The following PACRG variants were observed in gnomAD, a reference collection of about 807,000 sequenced individuals.
PACRG encodes parkin coregulated, also known as parkin coregulated gene protein.
In PACRG, 29 loss-of-function variants were observed where a neutral mutation model predicts 29.7. The ratio of observed to expected loss-of-function variants is 0.98; its 90% confidence interval spans 0.73 to 1.33. The LOEUF (loss-of-function observed/expected upper bound fraction) is 1.33, where lower values mean the gene tolerates loss of function less well. Among genes scored for constraint, PACRG ranks in the 40% most tolerant of loss-of-function variants. The pLI, the probability that PACRG is intolerant of heterozygous loss-of-function variation, is 0.00. For synonymous variants in PACRG, 116 were observed against 118.7 expected (o/e 0.98, Z 0.15); for missense variants, 279 against 316.2 (o/e 0.88, Z 0.89).
chr6:162,835,885 T>G (rs1042217096), intron 2 of PACRG, among the ~76,000 whole-genome samples: 3 of 152,158 alleles, frequency 2.0e-5, no homozygotes, highest in African/African-American at 7.2e-5. Flanking sequence ...ATCATACGAT[T>G]TGTGTGAAAT....
intron 4 of PACRG, chr6:163,312,696 G>C (rs1211444180): frequency 5.5e-6 from 2 of 366,058 alleles, no homozygotes; most frequent in Admixed American, 6.7e-5. Flanking sequence ...AAAACAATAG[G>C]GCAAGGACCC....
At chr6:163,211,737 A>C (rs1040193926) in intron 4 of PACRG, among the ~76,000 whole-genome samples, 7 of 152,162 alleles carry the variant, frequency 4.6e-5, no homozygotes, top group Non-Finnish European at 1.0e-4. Context: ...GAAATGGTTG[A>C]GCCTCTTGGT....
intron 4 of PACRG, among the ~76,000 whole-genome samples, chr6:163,100,426 TG>T (rs902020879): frequency 6.6e-6 from 1 of 152,160 alleles, no homozygotes; most frequent in African/African-American, 2.4e-5. Context: ...GGCCAGCCCC[TG>T]GGGACACCTT....
intron 2 of PACRG, among the ~76,000 whole-genome samples, chr6:162,887,443 C>A (rs1038644099): frequency 6.6e-6 from 1 of 152,180 alleles, no homozygotes; most frequent in African/African-American, 2.4e-5. Context: ...GTGGGTACAG[C>A]TCTGCACAGA....
At chr6:163,277,794 C>T (rs544350374) in intron 4 of PACRG, among the ~76,000 whole-genome samples, 11 of 151,832 alleles carry the variant, frequency 7.2e-5, no homozygotes, top group African/African-American at 2.4e-4. Flanking sequence ...CTGCTATAAG[C>T]ATGCATGTAC....
intron 4 of PACRG, among the ~76,000 whole-genome samples, chr6:163,169,582 G>A (rs1778973659): frequency 6.6e-6 from 1 of 152,238 alleles, no homozygotes. Context: ...TGCGTGCTGT[G>A]CTCCTACGGC....
At chr6:163,157,249 G>A (rs190782844) in intron 4 of PACRG, among the ~76,000 whole-genome samples, 46 of 152,288 alleles carry the variant, frequency 3.0e-4, no homozygotes, top group Non-Finnish European at 5.6e-4. Context: ...CATTTGCTCC[G>A]TAGCAGTGTG....
At chr6:162,997,794 A>G (rs930409976) in intron 2 of PACRG, among the ~76,000 whole-genome samples, 7 of 152,204 alleles carry the variant, frequency 4.6e-5, no homozygotes, top group African/African-American at 1.7e-4. Flanking sequence ...TGCTATATTA[A>G]CTTGACACTA....
intron 2 of PACRG, among the ~76,000 whole-genome samples, chr6:163,005,446 T>C (rs1804977756): frequency 6.6e-6 from 1 of 151,928 alleles, no homozygotes; most frequent in African/African-American, 2.4e-5. Context: ...TTAGTGCTGT[T>C]TCCTTCTAAT....
At chr6:163,131,315 C>CAAAA (rs55958953) in intron 4 of PACRG, among the ~76,000 whole-genome samples, 99 of 136,140 alleles carry the variant, frequency 7.3e-4, no homozygotes, top group African/African-American at 1.1e-3. Context: ...CTGTCTCAAA[C>CAAAA]AAAAAAAAAA....
At chr6:162,733,605 A>G (rs533941656) in intron 1 of PACRG, among the ~76,000 whole-genome samples, 25 of 152,272 alleles carry the variant, frequency 1.6e-4, no homozygotes, top group African/African-American at 6.0e-4. Flanking sequence ...TGCCTCACTC[A>G]GAGTAAAAGC....
chr6:163,184,141 A>C (rs1477296685), intron 4 of PACRG, among the ~76,000 whole-genome samples: 2 of 152,258 alleles, frequency 1.3e-5, no homozygotes, highest in African/African-American at 2.4e-5. Context: ...ATTAGCCTTA[A>C]GCTGCAGATA....
At chr6:163,057,114 A>G (rs965032546) in intron 2 of PACRG, among the ~76,000 whole-genome samples, 6 of 152,184 alleles carry the variant, frequency 3.9e-5, no homozygotes, top group Admixed American at 2.6e-4. Flanking sequence ...AACAACAACA[A>G]AAAAGTACCT....
At chr6:163,058,122 C>A (rs1318724209) in intron 2 of PACRG, among the ~76,000 whole-genome samples, 2 of 152,132 alleles carry the variant, frequency 1.3e-5, no homozygotes, top group Non-Finnish European at 2.9e-5. Flanking sequence ...AAATTTTGTT[C>A]ACAAAATTAT....
intron 2 of PACRG, among the ~76,000 whole-genome samples, chr6:162,824,755 T>G (rs1037810020): frequency 6.6e-6 from 1 of 152,238 alleles, no homozygotes; most frequent in Non-Finnish European, 1.5e-5. Context: ...CTCTGTAACC[T>G]GCATAATATG....
Position 163,292,575 on chromosome 6 carries a change from A to AT in PACRG, c.614-22250dup, listed in dbSNP as rs148488601. 9.8e-3 allele frequency among the ~76,000 whole-genome samples: 956 copies of AT among 97,966 alleles called. 10 individuals carry two copies. Among genetic ancestry groups the AT allele is most frequent in the African/African-American group, 0.033 (898 of 27,362 alleles). The allele number at this position is 97,966 out of a possible 152,430, so 64.3% of individuals were successfully genotyped here. A position where few individuals can be genotyped will look rare whatever the true frequency, so the allele number is the denominator to read the frequency against. Reference sequence around the variant, plus strand: ...GCCACCACGCCCAGCTAATTTATGTATTATTTATTTATTTATTTATTTATT... The same window carrying AT: ...GCCACCACGCCCAGCTAATTTATGTATTTATTTATTTATTTATTTATTTATT... On this transcript the variant is annotated intron_variant, in intron 4 of 4. Transcript: ENST00000366888.
At chr6:162,828,784 T>G (rs546641010) in intron 2 of PACRG, among the ~76,000 whole-genome samples, 1 of 152,282 alleles carries the variant, frequency 6.6e-6, no homozygotes, top group African/African-American at 2.4e-5. Context: ...TTGCCCTGTT[T>G]AAAATGCAGT....
chr6:163,213,867 GTTTAAATAATGAGATA>G (rs1368582987), intron 4 of PACRG, among the ~76,000 whole-genome samples: 1 of 95,188 alleles, frequency 1.1e-5, no homozygotes, highest in Non-Finnish European at 2.3e-5. Flanking sequence ...ATTTACATTG[GTTTAAATAATGAGATA>G]AAGATCTAGC....
chr6:163,189,336 A>G (rs547769727), intron 4 of PACRG: 3 of 152,340 alleles, frequency 2.0e-5, no homozygotes, highest in African/African-American at 4.8e-5. Flanking sequence ...GTTTGTTAAC[A>G]AGGTGTTTTA....
Sources: allele counts gnomAD v4.1 joint callset (sites outside exome capture counted in the v4.1 genomes callset), GRCh38; gene constraint gnomAD v4.1.1; transcripts MANE v1.5; gene names NCBI Gene and HGNC (gene_info 2026-07-23, HGNC 2026-07-21).